WDR5: variants seen among roughly 807,000 people sequenced by gnomAD.
The protein encoded by WDR5 is WD repeat-containing protein 5.
For missense variants in WDR5, 187 were observed against 416.9 expected (o/e 0.45, Z 4.80); for synonymous variants, 144 against 161.6 (o/e 0.89, Z 0.83).
At chr9:134,155,251 G>A (rs1414574942) in intron 10 of WDR5, 89 bp from the exon 11 acceptor site, 11 of 1,426,484 alleles carry the variant, frequency 7.7e-6, no homozygotes, top group Non-Finnish European at 1.0e-5. Context: ...GGCGCTGATG[G>A]TGGCTGTGAC....
At position 134,156,624 on chromosome 9, in the gene WDR5, T is replaced by A. The variant is rs370314956; in HGVS notation, c.904+31T>A. The A allele has an allele frequency of 1.7e-5, 28 of 1,608,144 alleles. No individual in the cohort carries two copies. The African/African-American group carries it at 3.3e-4, about 19-fold the overall frequency. On this transcript the variant is annotated intron_variant, in intron 13 of 13. Coordinates refer to ENST00000358625, the MANE Select transcript of WDR5 (RefSeq NM_017588.3). ...GGCCTGCGCTCCTGCAGTCACTGGCTGCCTGTTGATGTGAGGACAGTTCCT... is the reference window on the plus strand; with the variant it reads ...GGCCTGCGCTCCTGCAGTCACTGGCAGCCTGTTGATGTGAGGACAGTTCCT...
intron 7 of WDR5, among the ~76,000 whole-genome samples, chr9:134,144,356 T>G (rs2132542475): frequency 6.6e-6 from 1 of 152,332 alleles, no homozygotes. Context: ...GAGCTGACCT[T>G]CAGACTGGGG....
At chr9:134,141,403 C>A in intron 3 of WDR5, 107 bp from the exon 4 acceptor site, 1 of 1,070,640 alleles carries the variant, frequency 9.3e-7, no homozygotes, top group Non-Finnish European at 1.4e-6. Context: ...CCATGTGGTT[C>A]ATGCTGATCA....
At chr9:134,136,078 C>G (rs1286364186), upstream of WDR5, 1 of 149,590 alleles carries the variant, frequency 6.7e-6, no homozygotes, top group African/African-American at 2.4e-5. Context: ...CGCACGCGCA[C>G]TGCGCCCCCG....
chr9:134,138,241 A>G (rs982694416), intron 1 of WDR5, among the ~76,000 whole-genome samples: 11 of 152,206 alleles, frequency 7.2e-5, no homozygotes, highest in African/African-American at 2.4e-4. Flanking sequence ...TGATGCTGAC[A>G]GGAGCTGCTC....
At chr9:134,146,094 A>C (rs1240543065) in intron 7 of WDR5, among the ~76,000 whole-genome samples, 1 of 151,770 alleles carries the variant, frequency 6.6e-6, no homozygotes, top group Non-Finnish European at 1.5e-5. Flanking sequence ...CCTCCTGAGT[A>C]GCTGGGACTA....
Position 134,157,721 on chromosome 9 carries a change from C to G in WDR5, c.905-172C>G, listed in dbSNP as rs747053025. Among the ~76,000 whole-genome samples, 1 of 152,140 alleles carries G rather than the reference C, an allele frequency of 6.6e-6. No individual in the cohort carries two copies. Among genetic ancestry groups the G allele is most frequent in the Non-Finnish European group, 1.5e-5 (1 of 68,032 alleles). ...TACCGGCTGCTGTCCCCTCGCTCCC[C>G]TCCCCTGGGCTCCCTGTGTCGAAGG... is the stretch of plus-strand genomic sequence containing the variant. On this transcript the variant is annotated intron_variant, in intron 13 of 13. Transcript: ENST00000358625. This position sits in a 1 kb window ranked among gnomAD's most constrained non-coding sequence, Gnocchi z 5.0.
At chr9:134,144,385 T>C (rs948878057) in intron 7 of WDR5, among the ~76,000 whole-genome samples, 6 of 152,192 alleles carry the variant, frequency 3.9e-5, no homozygotes, top group Non-Finnish European at 8.8e-5. Context: ...TGAACGCTTG[T>C]GAAGTAACCT....
At position 134,140,034 on chromosome 9, in the gene WDR5, A is replaced by G. The variant is rs559971208; in HGVS notation, c.81+76A>G. 1.2e-5 allele frequency: 19 copies of G among 1,527,074 alleles called. No homozygotes were observed. In the Middle Eastern group the frequency reaches 5.1e-4, roughly 41 times the overall value. The allele number at this position is 1,527,074 out of a possible 1,614,324, so 94.6% of individuals were successfully genotyped here. On this transcript the variant is annotated intron_variant, in intron 2 of 13. Coordinates refer to ENST00000358625, the MANE Select transcript of WDR5 (RefSeq NM_017588.3). The stretch of plus-strand genomic sequence containing the variant: ...AGAGTCTCGGAAACATCTCAAGCTC[A>G]TAAGCCTAGTCTTCCCTACTCAGTT...
intron 7 of WDR5, 144 bp downstream of exon 7, chr9:134,142,863 A>G: frequency 1.2e-6 from 1 of 818,202 alleles, no homozygotes; most frequent in Non-Finnish European, 2.0e-6. Context: ...AGTCTAGAGC[A>G]ATCAGGTTGG....
At position 134,158,036 on chromosome 9, in the gene WDR5, C is replaced by T. The variant is rs1040777643; in HGVS notation, c.*43C>T. 6.3e-6 allele frequency: 10 copies of T among 1,587,608 alleles called. No homozygotes were observed. In the African/African-American group the frequency reaches 1.2e-4, roughly 19 times the overall value. On this transcript the variant is annotated 3_prime_UTR_variant, in exon 14 of 14. Transcript: ENST00000358625. ...CGCGAGAGACTGTCGGGAAGTTGACCCGGATTGGCAAGAAACAGGGTGTCT... is the reference window on the plus strand; with the variant it reads ...CGCGAGAGACTGTCGGGAAGTTGACTCGGATTGGCAAGAAACAGGGTGTCT...
intron 3 of WDR5, 22 bp from the exon 4 acceptor site, chr9:134,141,488 A>G: frequency 1.9e-6 from 3 of 1,613,154 alleles, no homozygotes; most frequent in Non-Finnish European, 2.5e-6. Flanking sequence ...TCTTAGCCTC[A>G]GATCCTTTTG....
At chr9:134,152,205 C>G (rs1832531688) in intron 9 of WDR5, among the ~76,000 whole-genome samples, 176 bp downstream of exon 9, 2 of 152,244 alleles carry the variant, frequency 1.3e-5, no homozygotes, top group Admixed American at 1.3e-4. Flanking sequence ...CCCGCTGGCT[C>G]TGTTGCTCCT....
intron 8 of WDR5, among the ~76,000 whole-genome samples, chr9:134,148,845 T>G (rs1832348796): frequency 6.6e-6 from 1 of 152,168 alleles, no homozygotes; most frequent in Admixed American, 6.5e-5. Flanking sequence ...CAGGTGTTTG[T>G]AGTGCTTGGA....
At chr9:134,153,365 G>A (rs149979697) in intron 9 of WDR5, among the ~76,000 whole-genome samples, 2 of 152,266 alleles carry the variant, frequency 1.3e-5, no homozygotes, top group African/African-American at 4.8e-5. Flanking sequence ...TTTTCCCATC[G>A]GCGTCTCCTC....
intron 10 of WDR5, among the ~76,000 whole-genome samples, chr9:134,154,959 G>C (rs1389578376): frequency 6.6e-6 from 1 of 152,222 alleles, no homozygotes; most frequent in Non-Finnish European, 1.5e-5. Context: ...CCTCAGCCCT[G>C]TGGGTCCGAG....
At position 134,136,203 on chromosome 9, in the gene WDR5, A is replaced by G. The variant is rs953495118; in HGVS notation, c.-59+3A>G. 6.1e-5 allele frequency: 9 copies of G among 147,698 alleles called. No homozygotes were observed. Among genetic ancestry groups the G allele is most frequent in the Admixed American group, 6.0e-4 (9 of 14,892 alleles). The allele number at this position is 147,698 out of a possible 1,614,324, so 9.1% of individuals were successfully genotyped here. ...GCCCCGCCGCCGCGGCCCGGCAGGT[A>G]AGCGGGCAGCCGCCCGGCCCGGGGA... On this transcript the variant is annotated splice_donor_region_variant and intron_variant, in intron 1 of 13. Transcript: ENST00000358625.
In WDR5 at chr9:134,158,161, C is replaced by T. The variant is rs555934538; in HGVS notation, c.*168C>T. The stretch of plus-strand genomic sequence containing the variant: ...TGGCCGAGCGGAAGGTGTGGACCAC[C>T]GGAAAGTTCTTAAAAGTTGCTGGTG... On this transcript the variant is annotated 3_prime_UTR_variant, in exon 14 of 14. Coordinates refer to ENST00000358625, the MANE Select transcript of WDR5 (RefSeq NM_017588.3). 6.3e-4 allele frequency: 376 copies of T among 592,742 alleles called. 2 individuals are homozygous for T. The highest frequency in any genetic ancestry group is 1.6e-3 in the Admixed American group (52 of 32,504). The allele number at this position is 592,742 out of a possible 1,614,324, so 36.7% of individuals were successfully genotyped here. A position where few individuals can be genotyped will look rare whatever the true frequency, so the allele number is the denominator to read the frequency against.
intron 9 of WDR5, among the ~76,000 whole-genome samples, chr9:134,153,250 T>A (rs1832584106): frequency 6.6e-6 from 1 of 152,178 alleles, no homozygotes; most frequent in Non-Finnish European, 1.5e-5. Flanking sequence ...GCATAGAGGC[T>A]CATTCACTAG....
Sources: gnomAD v4.1 joint callset for allele counts (sites outside exome capture counted in the v4.1 genomes callset) on GRCh38, gnomAD v4.1.1 for gene constraint, Gnocchi (gnomAD v3.1) non-coding constraint, MANE v1.5 for transcripts, NCBI Gene and HGNC (gene_info 2026-07-23, HGNC 2026-07-21) for gene names.